The following NNMT variants were observed in gnomAD, a reference collection of about 807,000 sequenced individuals.
NNMT encodes the protein nicotinamide N-methyltransferase.
In NNMT, 10 loss-of-function variants were observed where a neutral mutation model predicts 11.7. The observed-to-expected ratio is 0.85, with a 90% confidence interval of 0.53 to 1.45. The LOEUF is 1.45. Ranked by LOEUF, NNMT falls within the 40% of genes most tolerant of loss-of-function variation. The pLI is 0.00. For missense variants in NNMT, 381 were observed against 319.4 expected (o/e 1.19, Z -1.47); for synonymous variants, 143 against 133.8 (o/e 1.07, Z -0.48).
Position 114,289,717 on chromosome 11 carries a change from A to G in NNMT, c.-129-6711A>G, listed in dbSNP as rs544436840. On this transcript the variant is annotated intron_variant, in intron 2 of 4. Transcript: ENST00000535401. Reference sequence around the variant, plus strand: ...TTGGTCAAATAGCAAGCCCTATATCATTTCAGCCCTTTGAAATATGTTGAG... The same window carrying G: ...TTGGTCAAATAGCAAGCCCTATATCGTTTCAGCCCTTTGAAATATGTTGAG... 6.6e-5 allele frequency among the ~76,000 whole-genome samples: 10 copies of G among 152,286 alleles called. No homozygotes were observed. In the East Asian group the frequency reaches 1.9e-3, roughly 29 times the overall value.
At chr11:114,261,128 A>G (rs564789852) in intron 1 of NNMT, among the ~76,000 whole-genome samples, 1 of 152,204 alleles carries the variant, frequency 6.6e-6, no homozygotes, top group Non-Finnish European at 1.5e-5. Context: ...TTTCCAGAAC[A>G]GGAGCCCACG....
chr11:114,286,900 C>T (rs2135261949), intron 2 of NNMT, among the ~76,000 whole-genome samples: 1 of 152,262 alleles, frequency 6.6e-6, no homozygotes, highest in South Asian at 2.1e-4. Context: ...TACACAAGGA[C>T]ATCTATTGGT....
chr11:114,298,740 C>T (rs1945409209), intron 2 of NNMT, among the ~76,000 whole-genome samples: 1 of 152,192 alleles, frequency 6.6e-6, no homozygotes, highest in Non-Finnish European at 1.5e-5. Flanking sequence ...TGTATACTTA[C>T]AACTAATGGT....
intron 2 of NNMT, among the ~76,000 whole-genome samples, chr11:114,266,342 C>T (rs1295062082): frequency 2.0e-5 from 3 of 152,140 alleles, no homozygotes; most frequent in East Asian, 3.9e-4. Context: ...TCACAGGGCT[C>T]TTTCTAACTA....
intron 1 of NNMT, among the ~76,000 whole-genome samples, chr11:114,259,152 G>A (rs1454186315): frequency 6.6e-6 from 1 of 152,228 alleles, no homozygotes; most frequent in African/African-American, 2.4e-5. Context: ...CCTGGCACAT[G>A]ATAGGCACCC....
intron 2 of NNMT, among the ~76,000 whole-genome samples, chr11:114,272,190 A>C (rs1591827157): frequency 6.6e-6 from 1 of 152,114 alleles, no homozygotes; most frequent in South Asian, 2.1e-4. Flanking sequence ...TCAGGAACCC[A>C]CAGCACCTGA....
intron 2 of NNMT, among the ~76,000 whole-genome samples, chr11:114,269,851 CT>C (rs367824477): frequency 2.0e-5 from 3 of 151,996 alleles, no homozygotes; most frequent in Non-Finnish European, 4.4e-5. Context: ...ACTTGTTATT[CT>C]TTTTTTAACT....
intron 2 of NNMT, among the ~76,000 whole-genome samples, chr11:114,311,533 C>A (rs1229553883): frequency 6.6e-6 from 1 of 152,110 alleles, no homozygotes; most frequent in Non-Finnish European, 1.5e-5. Flanking sequence ...ATCAATAGTT[C>A]CTAAAAATAT....
At chr11:114,277,756 G>A (rs1945225056) in intron 2 of NNMT, among the ~76,000 whole-genome samples, 1 of 152,194 alleles carries the variant, frequency 6.6e-6, no homozygotes. Context: ...GAGGACCAGA[G>A]GTAACTGTTG....
intron 2 of NNMT, among the ~76,000 whole-genome samples, chr11:114,307,996 C>T (rs766445327): frequency 4.6e-5 from 7 of 151,936 alleles, no homozygotes; most frequent in East Asian, 3.9e-4. Context: ...TGCTTTCTCC[C>T]GCCACCCACC....
chr11:114,310,518 G>A (rs1945539749), intron 2 of NNMT, among the ~76,000 whole-genome samples: 1 of 152,246 alleles, frequency 6.6e-6, no homozygotes, highest in African/African-American at 2.4e-5. Flanking sequence ...CTCGAATCAA[G>A]TTTTATTTAA....
Position 114,296,515 on chromosome 11 carries a change from GAGA to G in NNMT, c.-39_-37del, listed in dbSNP as rs755160599. ...GTCACTCCCTGGCTTCTGGAGGAAA[GAGA>G]AGGAGGGCAGTGCTCCAGTGGTACA... On this transcript the variant is annotated 5_prime_UTR_variant, in exon 1 of 3. Coordinates refer to ENST00000299964, the MANE Select transcript of NNMT (RefSeq NM_006169.3). 2.1e-4 allele frequency: 335 copies of G among 1,601,028 alleles called. No homozygotes were observed. The highest frequency in any genetic ancestry group is 2.7e-4 in the Non-Finnish European group (318 of 1,173,556).
intron 2 of NNMT, among the ~76,000 whole-genome samples, chr11:114,279,768 A>T (rs1006588278): frequency 6.6e-6 from 1 of 152,210 alleles, no homozygotes; most frequent in Admixed American, 6.5e-5. Flanking sequence ...GAATGTGAGG[A>T]TAACAATTTT....
At chr11:114,278,920 C>G (rs77484784) in intron 2 of NNMT, among the ~76,000 whole-genome samples, 1,957 of 152,280 alleles carry the variant, frequency 0.013, 40 homozygotes, top group African/African-American at 0.043. Context: ...ACAAGGCAGC[C>G]AGGCACATGT....
intron 2 of NNMT, among the ~76,000 whole-genome samples, chr11:114,301,297 G>A (rs889755654): frequency 6.6e-6 from 1 of 152,188 alleles, no homozygotes; most frequent in Non-Finnish European, 1.5e-5. Context: ...GCTGTGGTAT[G>A]TCTACACAAA....
Position 114,312,073 on chromosome 11 carries a change from T to G in NNMT, c.391T>G (p.Leu131Val). 3 of 1,588,910 alleles carry G rather than the reference T, an allele frequency of 1.9e-6. No homozygotes were observed. Among genetic ancestry groups the G allele is most frequent in the Non-Finnish European group, 2.6e-6 (3 of 1,164,000 alleles). The change falls in exon 3 of 3, where the codon TTG becomes GTG. Residue 131 changes from leucine (L) to valine (V), a missense_variant. Physicochemically the swap from Leu to Val is conservative, Grantham distance 32 (BLOSUM62 1). Transcript: ENST00000299964. ...CAAGGGTCCAGAGAAGGAGGAGAAG[T>G]TGAGACAGGCGGTCAAGCAGGTGCT... Reference protein sequence around the residue: ...RVKGPEKEEKLRQAVKQVLKC... With the variant: ...RVKGPEKEEKVRQAVKQVLKC...
At chr11:114,276,267 C>A (rs1295041820) in intron 2 of NNMT, among the ~76,000 whole-genome samples, 1 of 152,072 alleles carries the variant, frequency 6.6e-6, no homozygotes, top group Non-Finnish European at 1.5e-5. Context: ...GGAATTTCTG[C>A]AGGAGCCCCT....
At chr11:114,261,561 G>C (rs980175393) in intron 1 of NNMT, among the ~76,000 whole-genome samples, 19 of 152,036 alleles carry the variant, frequency 1.2e-4, no homozygotes, top group African/African-American at 4.1e-4. Context: ...TCCAGCCTGG[G>C]CGACAAGAGC....
At chr11:114,276,107 G>GCCCCCCCC (rs35929563) in intron 2 of NNMT, among the ~76,000 whole-genome samples, 1 of 142,280 alleles carries the variant, frequency 7.0e-6, no homozygotes, top group Non-Finnish European at 1.5e-5. Context: ...GTTTCAGGCT[G>GCCCCCCCC]CCCCCCCACC....
Sources: gnomAD v4.1 joint callset for allele counts (sites outside exome capture counted in the v4.1 genomes callset) on GRCh38, gnomAD v4.1.1 for gene constraint, MANE v1.5 for transcripts, NCBI Gene and HGNC (gene_info 2026-07-23, HGNC 2026-07-21) for gene names.